FCN1: variants seen among roughly 807,000 people sequenced by gnomAD.
The protein encoded by FCN1 is ficolin-1.
In FCN1, 42 loss-of-function variants were observed where a neutral mutation model predicts 35.6. That is an observed-to-expected ratio of 1.18 (90% CI 0.92 to 1.53). The LOEUF is 1.53. FCN1 is among the 40% of genes most tolerant of loss of function. The pLI, the probability that FCN1 is intolerant of heterozygous loss-of-function variation, is 0.00. For missense variants in FCN1, 439 were observed against 428.4 expected (o/e 1.02, Z -0.22); for synonymous variants, 179 against 169.8 (o/e 1.05, Z -0.42).
In FCN1 at chr9:134,908,806, T is replaced by G; in HGVS notation, c.*992A>C. ...ATCTACTGAGCCAGGAGGTGGCGAGTTCTTGTTGTTTCAAGCCACTCCATT... is the reference window on the plus strand; with the variant it reads ...ATCTACTGAGCCAGGAGGTGGCGAGGTCTTGTTGTTTCAAGCCACTCCATT... On this transcript the variant is annotated 3_prime_UTR_variant, in exon 9 of 9. Transcript: ENST00000371806. 2 of 180,432 alleles carry G rather than the reference T, an allele frequency of 1.1e-5. No individual in the cohort carries two copies. Among genetic ancestry groups the G allele is most frequent in the Non-Finnish European group, 2.3e-5 (2 of 85,188 alleles). The allele number at this position is 180,432 out of a possible 1,614,324, so 11.2% of individuals were successfully genotyped here. A position where few individuals can be genotyped will look rare whatever the true frequency, so the allele number is the denominator to read the frequency against.
Position 134,912,306 on chromosome 9 carries a change from C to A in FCN1, c.598+180G>T, listed in dbSNP as rs146313251. 3.2e-3 allele frequency among the ~76,000 whole-genome samples: 480 copies of A among 152,334 alleles called. 4 individuals carry two copies. The highest frequency in any genetic ancestry group is 0.011 in the African/African-American group (460 of 41,582). On this transcript the variant is annotated intron_variant, in intron 7 of 8. Coordinates refer to ENST00000371806, the MANE Select transcript of FCN1 (RefSeq NM_002003.5). ...GCCCAGGGCTCTAACCGTTTCCCTT[C>A]CCGATGTTGCCAGAGCCTGCGGCAG... is the stretch of plus-strand genomic sequence containing the variant.
chr9:134,903,622 T>C lies in FCN1; in HGVS notation c.*6176A>G, dbSNP rs1199262629. On this transcript the variant is annotated 3_prime_UTR_variant, in exon 9 of 9. Coordinates refer to ENST00000371806, the MANE Select transcript of FCN1 (RefSeq NM_002003.5). The stretch of plus-strand genomic sequence containing the variant: ...AAAAATCTGACTTAAAAAAAAATCC[T>C]CTCTGCCTTCCTGAATACTATGTCT... Among the ~76,000 whole-genome samples the C allele has an allele frequency of 6.6e-6, 1 of 152,114 alleles. No individual in the cohort carries two copies. Among genetic ancestry groups the C allele is most frequent in the Non-Finnish European group, 1.5e-5 (1 of 68,004 alleles).
At position 134,913,034 on chromosome 9, in the gene FCN1, C is replaced by T. The variant is rs747328605; in HGVS notation, c.450G>A (p.Thr150=). Residue 150 remains threonine, a synonymous_variant, in exon 6 of 9, where the codon ACG becomes ACA. Transcript: ENST00000371806. ...RPLTVLCDMD[T]DGGGWTVFQR... is the part of the protein sequence containing the mutation. ...CACTCACGGTCCAGCCCCCTCCGTC[C>T]GTGTCCATGTCACAGAGCACAGTCA... The T allele has an allele frequency of 2.7e-5, 43 of 1,612,316 alleles. No individual in the cohort carries two copies. The East Asian group carries it at 4.0e-4, about 15-fold the overall frequency.
intron 5 of FCN1, 101 bp from the exon 6 acceptor site, chr9:134,913,244 C>T: frequency 1.3e-6 from 2 of 1,482,292 alleles, no homozygotes; most frequent in Non-Finnish European, 1.8e-6. Context: ...CCACAGGCTT[C>T]TGTGCGGACC....
intron 4 of FCN1, 88 bp from the exon 5 acceptor site, chr9:134,913,701 G>A (rs1342953861): frequency 3.0e-6 from 3 of 1,013,728 alleles, no homozygotes; most frequent in Non-Finnish European, 4.3e-6. Context: ...GCACAGAATA[G>A]AGAATGGGCA....
intron 6 of FCN1, 117 bp from the exon 7 acceptor site, chr9:134,912,732 A>G: frequency 7.2e-7 from 1 of 1,385,152 alleles, no homozygotes; most frequent in Non-Finnish European, 1.0e-6. Flanking sequence ...GGCCGGTGCC[A>G]CACGCACGCC....
At position 134,909,273 on chromosome 9, in the gene FCN1, C is replaced by T. The variant is rs1305439861; in HGVS notation, c.*525G>A. On this transcript the variant is annotated 3_prime_UTR_variant, in exon 9 of 9. Coordinates refer to ENST00000371806, the MANE Select transcript of FCN1 (RefSeq NM_002003.5). Reference sequence around the variant, plus strand: ...CAGAAAAGTTCCTACTAAACTTTCCCCCTTTTTAGTAAGTGTTTTCTGGAC... The same window carrying T: ...CAGAAAAGTTCCTACTAAACTTTCCTCCTTTTTAGTAAGTGTTTTCTGGAC... 2.3e-6 allele frequency: 3 copies of T among 1,289,550 alleles called. No individual in the cohort carries two copies. The highest frequency in any genetic ancestry group is 3.0e-6 in the Non-Finnish European group (3 of 988,870). 79.9% of individuals were successfully genotyped at this position (1,289,550 alleles called of 1,614,324 possible). A position where few individuals can be genotyped will look rare whatever the true frequency, so the allele number is the denominator to read the frequency against.
At position 134,904,849 on chromosome 9, in the gene FCN1, AAAT is replaced by A. The variant is rs924498015; in HGVS notation, c.*4946_*4948del. Among the ~76,000 whole-genome samples the A allele has an allele frequency of 6.6e-6, 1 of 152,090 alleles. No individual in the cohort carries two copies. The highest frequency in any genetic ancestry group is 1.5e-5 in the Non-Finnish European group (1 of 68,014). ...CAGCAAGAAGATGATCTCACACCAA[AAAT>A]AATAATAATAATAAAATAGAAGAAG... On this transcript the variant is annotated 3_prime_UTR_variant, in exon 9 of 9. Coordinates refer to ENST00000371806, the MANE Select transcript of FCN1 (RefSeq NM_002003.5).
intron 4 of FCN1, 140 bp from the exon 5 acceptor site, chr9:134,913,753 C>T: frequency 1.7e-6 from 1 of 574,206 alleles, no homozygotes; most frequent in Non-Finnish European, 2.9e-6. Flanking sequence ...TGGCACAGGC[C>T]TAGGGAAGGA....
At chr9:134,912,853 C>T (rs1408916780) in intron 6 of FCN1, among the ~76,000 whole-genome samples, 163 bp downstream of exon 6, 1 of 152,220 alleles carries the variant, frequency 6.6e-6, no homozygotes, top group Non-Finnish European at 1.5e-5. Flanking sequence ...CCCTCCCAGC[C>T]TCCCCGATGG....
chr9:134,912,088 C>G (rs914968152), intron 7 of FCN1, among the ~76,000 whole-genome samples: 5 of 152,214 alleles, frequency 3.3e-5, no homozygotes, highest in African/African-American at 1.2e-4. Context: ...GTGAGTGCGG[C>G]TGTGGGGGGC....
At chr9:134,911,332 G>A (rs1831020721) in intron 7 of FCN1, 65 bp from the exon 8 acceptor site, 2 of 1,464,964 alleles carry the variant, frequency 1.4e-6, no homozygotes, top group Non-Finnish European at 1.9e-6. Context: ...ATGAGGGCTG[G>A]GGATGGGTAA....
chr9:134,913,254 C>A (rs555906919), intron 5 of FCN1, 111 bp from the exon 6 acceptor site: 3 of 1,420,716 alleles, frequency 2.1e-6, no homozygotes, highest in Middle Eastern at 3.5e-4. Context: ...CTGTGCGGAC[C>A]GAGCAGGACT....
chr9:134,912,093 G>T (rs977783902), intron 7 of FCN1, among the ~76,000 whole-genome samples: 1 of 152,222 alleles, frequency 6.6e-6, no homozygotes, highest in Non-Finnish European at 1.5e-5. Flanking sequence ...TGCGGCTGTG[G>T]GGGGCCTGCT....
At chr9:134,914,523 C>A in intron 3 of FCN1, 103 bp from the exon 4 acceptor site, 1 of 1,212,220 alleles carries the variant, frequency 8.2e-7, no homozygotes, top group Non-Finnish European at 1.2e-6. Flanking sequence ...ATCTCCCCAG[C>A]CCTGCAGGCT....
chr9:134,911,084 T>G (rs780801210), intron 8 of FCN1, 49 bp downstream of exon 8: 1 of 1,605,674 alleles, frequency 6.2e-7, no homozygotes, highest in African/African-American at 1.3e-5. Context: ...CCAGGTTCTC[T>G]CTGCTTTCCA....
rs377762723 is a variant in FCN1 at position 134,917,849 on chromosome 9, A to G, written c.23T>C (p.Met8Thr). MELSGAT[M>T]ARGLAVLLVL... ...TAGCAGGACAGCGAGCCCCCGGGCC[A>G]TGGTGGCTCCACTCAGCTCCATGCT... The change falls in exon 1 of 9, where the codon ATG (methionine) becomes ACG (threonine). Residue 8 changes from methionine (M) to threonine (T), a missense_variant. Transcript: ENST00000371806. 8 of 1,613,572 alleles carry G rather than the reference A, an allele frequency of 5.0e-6. No homozygotes were observed. The African/African-American group carries it at 9.3e-5, about 19-fold the overall frequency.
At chr9:134,916,292 A>G in intron 2 of FCN1, 56 bp downstream of exon 2, 1 of 1,328,742 alleles carries the variant, frequency 7.5e-7, no homozygotes, top group South Asian at 1.2e-5. Flanking sequence ...AGTTTCATAA[A>G]GAGCAAGAGC....
intron 2 of FCN1, 41 bp from the exon 3 acceptor site, chr9:134,914,850 T>TAAAC (rs1564220356): frequency 1.3e-6 from 2 of 1,506,932 alleles, no homozygotes; most frequent in Non-Finnish European, 1.8e-6. Context: ...AAATGCAACC[T>TAAAC]AAACAATTCT....
Sources: gnomAD v4.1 joint callset for allele counts (sites outside exome capture counted in the v4.1 genomes callset) on GRCh38, gnomAD v4.1.1 for gene constraint, MANE v1.5 for transcripts, NCBI Gene and HGNC (gene_info 2026-07-23, HGNC 2026-07-21) for gene names.